The following PRKACA variants were observed in gnomAD, a reference collection of about 807,000 sequenced individuals.
The protein encoded by PRKACA is cAMP-dependent protein kinase catalytic subunit alpha.
A neutral mutation model predicts 45.8 loss-of-function variants in PRKACA; 9 were observed. That is an observed-to-expected ratio of 0.20 (90% CI 0.12 to 0.34). The LOEUF (loss-of-function observed/expected upper bound fraction) is 0.34. Among genes scored for constraint, PRKACA ranks in the 10% least tolerant of loss-of-function variants. The probability of loss-of-function intolerance (pLI) is 1.00; values close to 1 mark genes in which losing one functional copy is unlikely to be tolerated. For synonymous variants in PRKACA, 160 were observed against 178.6 expected (o/e 0.90, Z 0.83); for missense variants, 238 against 458.6 (o/e 0.52, Z 4.39).
rs772697371 is a variant in PRKACA, at chr19:14,097,352, G to A, written c.765+9C>T. The A allele has an allele frequency of 8.1e-6, 13 of 1,613,966 alleles. No individual in the cohort carries two copies. In the African/African-American group the frequency reaches 1.2e-4, roughly 15 times the overall value. On this transcript the variant is annotated intron_variant, in intron 8 of 9. Coordinates refer to ENST00000308677, the MANE Select transcript of PRKACA (RefSeq NM_002730.4). This position sits in a 1 kb window ranked among gnomAD's most constrained non-coding sequence, Gnocchi z 5.4. ...CTTCCAGGGCTGTGTCCCCACATCC[G>A]GACCTCACCTTCCCAGAGACGATCT... is the stretch of plus-strand genomic sequence containing the variant.
chr19:14,116,075 T>C (rs887135560), intron 1 of PRKACA, among the ~76,000 whole-genome samples: 1 of 152,220 alleles, frequency 6.6e-6, no homozygotes. Context: ...GTTCCCTGGC[T>C]TTCATACCTT....
intron 1 of PRKACA, chr19:14,114,213 C>A (rs1239971320): frequency 4.6e-5 from 73 of 1,590,330 alleles, no homozygotes; most frequent in Non-Finnish European, 6.2e-5. Context: ...CTCATGAGAC[C>A]TGCCGTGTCT....
At chr19:14,114,234 C>T in intron 1 of PRKACA, 1 of 1,566,950 alleles carries the variant, frequency 6.4e-7, no homozygotes, top group Non-Finnish European at 8.7e-7. Flanking sequence ...GTTCGGCTGT[C>T]TGTCCCCAGA....
rs2145738407 is a variant in PRKACA, at chr19:14,091,973, C to T, written c.*1139G>A. On this transcript the variant is annotated 3_prime_UTR_variant, in exon 10 of 10. Coordinates refer to ENST00000308677, the MANE Select transcript of PRKACA (RefSeq NM_002730.4). Reference sequence around the variant, plus strand: ...GGGAGAGGTGATGGACAGCTGACAGCTAAGCTGGAGGAGGGGCGCCCAGGA... The same window carrying T: ...GGGAGAGGTGATGGACAGCTGACAGTTAAGCTGGAGGAGGGGCGCCCAGGA... 6.6e-6 allele frequency: 1 copy of T among 152,342 alleles called. No homozygotes were observed. The highest frequency in any genetic ancestry group is 2.1e-4 in the South Asian group (1 of 4,830). 9.4% of individuals were successfully genotyped at this position (152,342 alleles called of 1,614,324 possible). A position where few individuals can be genotyped will look rare whatever the true frequency, so the allele number is the denominator to read the frequency against.
chr19:14,105,254 G>A (rs927153358), intron 3 of PRKACA, among the ~76,000 whole-genome samples: 6 of 152,290 alleles, frequency 3.9e-5, no homozygotes, highest in African/African-American at 1.4e-4. Flanking sequence ...GCTCACATCT[G>A]TAATCCCAGC....
chr19:14,107,844 G>A (rs554735660), intron 1 of PRKACA: 1 of 995,724 alleles, frequency 1.0e-6, no homozygotes, highest in East Asian at 1.1e-4. Flanking sequence ...AGGTGCCCTT[G>A]GGGGGCTCAG....
intron 3 of PRKACA, among the ~76,000 whole-genome samples, chr19:14,104,270 G>GTT (rs1977534878): frequency 6.7e-6 from 1 of 148,568 alleles, no homozygotes; most frequent in Non-Finnish European, 1.5e-5. Context: ...CCGGGAGGTG[G>GTT]AGCTGGCAGT....
At chr19:14,098,261 C>G (rs535131742) in intron 5 of PRKACA, 1 of 172,734 alleles carries the variant, frequency 5.8e-6, no homozygotes, top group Admixed American at 5.6e-5. Flanking sequence ...AACAAAGGCA[C>G]GGTGTTTGAA....
At chr19:14,098,234 T>C (rs1477561321) in intron 5 of PRKACA, 3 of 206,592 alleles carry the variant, frequency 1.5e-5, no homozygotes, top group Admixed American at 1.0e-4. Context: ...ATTTATATCA[T>C]GTCCACGCCC....
chr19:14,114,139 C>G, intron 1 of PRKACA: 2 of 1,611,552 alleles, frequency 1.2e-6, no homozygotes, highest in Non-Finnish European at 8.5e-7. Context: ...CTCACCATCG[C>G]TGGAGTTGGA....
intron 2 of PRKACA, 93 bp from the exon 3 acceptor site, chr19:14,106,981 G>A: frequency 1.3e-6 from 2 of 1,535,728 alleles, no homozygotes; most frequent in South Asian, 1.2e-5. Flanking sequence ...CCGGCAGAGG[G>A]GGCCCCGGGG....
Position 14,091,869 on chromosome 19 carries a change from T to A in PRKACA, c.*1243A>T, listed in dbSNP as rs1977078928. On this transcript the variant is annotated 3_prime_UTR_variant, in exon 10 of 10. Transcript: ENST00000308677. ...GGGGAGAAGTTATGAGAGGGGGAAA[T>A]ACGGGGATGAATGGGGTGGCTCCCC... 1 of 152,144 alleles carries A rather than the reference T, an allele frequency of 6.6e-6. No individual in the cohort carries two copies. The highest frequency in any genetic ancestry group is 1.5e-5 in the Non-Finnish European group (1 of 68,002). 9.4% of individuals were successfully genotyped at this position (152,144 alleles called of 1,614,324 possible).
At chr19:14,114,477 G>C (rs959579482) in intron 1 of PRKACA, among the ~76,000 whole-genome samples, 3 of 152,100 alleles carry the variant, frequency 2.0e-5, no homozygotes, top group Non-Finnish European at 4.4e-5. Context: ...CACGGCACTA[G>C]TTCTTCCCAT....
chr19:14,093,046 T>TGGCGG lies in PRKACA; in HGVS notation c.*65_*66insCCGCC. On this transcript the variant is annotated 3_prime_UTR_variant, in exon 10 of 10. Coordinates refer to ENST00000308677, the MANE Select transcript of PRKACA (RefSeq NM_002730.4). ...GCCCTCTGGCTGTTCAATCCAACCC[T>TGGCGG]CCCACCCCCCCGACCAAAAAAAAGA... 3 of 85,304 alleles carry TGGCGG rather than the reference T, an allele frequency of 3.5e-5. No homozygotes were observed. The highest frequency in any genetic ancestry group is 6.6e-5 in the Non-Finnish European group (3 of 45,344). The allele number at this position is 85,304 out of a possible 1,614,324, so 5.3% of individuals were successfully genotyped here. A position where few individuals can be genotyped will look rare whatever the true frequency, so the allele number is the denominator to read the frequency against.
intron 3 of PRKACA, among the ~76,000 whole-genome samples, chr19:14,104,336 C>CAA (rs769115807): frequency 7.7e-4 from 37 of 48,116 alleles, no homozygotes; most frequent in African/African-American, 2.2e-3. Context: ...GACTCCGTCT[C>CAA]AAAAAAAAAA....
chr19:14,105,888 A>C (rs962435578), intron 3 of PRKACA, among the ~76,000 whole-genome samples: 1 of 152,212 alleles, frequency 6.6e-6, no homozygotes, highest in Non-Finnish European at 1.5e-5. Context: ...AAGTGCACAT[A>C]AACACCACTT....
intron 2 of PRKACA, 76 bp from the exon 3 acceptor site, chr19:14,106,964 TCTGCCACCGGC>T: frequency 6.4e-7 from 1 of 1,566,174 alleles, no homozygotes; most frequent in African/African-American, 1.4e-5. Flanking sequence ...GGGCATCCCC[TCTGCCACCGGC>T]AGAGGGGGCC....
chr19:14,103,722 C>T (rs1305928369), intron 3 of PRKACA, among the ~76,000 whole-genome samples: 1 of 152,178 alleles, frequency 6.6e-6, no homozygotes, highest in Non-Finnish European at 1.5e-5. Context: ...TATGGCTGGT[C>T]GGATGGGGAG....
At chr19:14,102,596 C>T (rs1002875988) in intron 4 of PRKACA, among the ~76,000 whole-genome samples, 2 of 152,184 alleles carry the variant, frequency 1.3e-5, no homozygotes, top group African/African-American at 4.8e-5. Context: ...GGGTGACTCA[C>T]CAAGGGTATC....
Sources: gnomAD v4.1 joint callset for allele counts (sites outside exome capture counted in the v4.1 genomes callset) on GRCh38, gnomAD v4.1.1 for gene constraint, Gnocchi (gnomAD v3.1) non-coding constraint, MANE v1.5 for transcripts, NCBI Gene and HGNC (gene_info 2026-07-23, HGNC 2026-07-21) for gene names.